Variants in RBFOX1 observed in about 807,000 individuals in gnomAD.
RBFOX1 encodes the protein RNA binding protein fox-1 homolog 1.
Under a neutral mutation model 57.7 loss-of-function variants are expected in RBFOX1, and 8 were observed. The ratio of observed to expected loss-of-function variants is 0.14; its 90% CI spans 0.08 to 0.25. RBFOX1 has a LOEUF of 0.25. RBFOX1 is among the 10% of genes least tolerant of loss of function. The pLI is 1.00. For missense variants in RBFOX1, 611 were observed against 548.5 expected (o/e 1.11, Z -1.14); for synonymous variants, 326 against 222.4 (o/e 1.47, Z -4.15).
At chr16:7,250,941 A>G (rs79096166) in intron 4 of RBFOX1, among the ~76,000 whole-genome samples, 1,856 of 152,324 alleles carry the variant, frequency 0.012, 17 homozygotes, top group South Asian at 0.022. Flanking sequence ...ACGTTTTGAA[A>G]TATGTATATA....
chr16:5,701,350 G>T (rs1205301115), intron 3 of RBFOX1, among the ~76,000 whole-genome samples: 1 of 152,226 alleles, frequency 6.6e-6, no homozygotes, highest in Non-Finnish European at 1.5e-5. Context: ...TATTTTGCAT[G>T]TAGAGTTAAG....
chr16:7,169,653 C>T (rs80181682), intron 4 of RBFOX1, among the ~76,000 whole-genome samples: 56 of 152,352 alleles, frequency 3.7e-4, no homozygotes, highest in African/African-American at 1.1e-3. Flanking sequence ...GAGTGAATGA[C>T]AGAACCAAAT....
At chr16:7,136,216 C>T (rs1022388350) in intron 4 of RBFOX1, among the ~76,000 whole-genome samples, 5 of 152,100 alleles carry the variant, frequency 3.3e-5, no homozygotes, top group Admixed American at 2.0e-4. Flanking sequence ...TCTTTGTGTT[C>T]GTCCATATGG....
intron 4 of RBFOX1, among the ~76,000 whole-genome samples, chr16:7,175,643 G>T (rs529193751): frequency 6.6e-6 from 1 of 152,332 alleles, no homozygotes; most frequent in Non-Finnish European, 1.5e-5. Flanking sequence ...CCCAACAGCT[G>T]TGTGCCTCCA....
At chr16:7,688,485 C>G (rs1041909315) in intron 14 of RBFOX1, among the ~76,000 whole-genome samples, 10 of 152,004 alleles carry the variant, frequency 6.6e-5, no homozygotes, top group Non-Finnish European at 1.0e-4. Context: ...CAAAAGTTTT[C>G]TCTGACTTGA....
intron 1 of RBFOX1, among the ~76,000 whole-genome samples, chr16:5,400,907 A>G (rs57435133): frequency 0.057 from 8,699 of 152,128 alleles, 339 homozygotes; most frequent in East Asian, 0.12. Context: ...TTGTTCATAG[A>G]TCATTTTTCT....
intron 4 of RBFOX1, among the ~76,000 whole-genome samples, chr16:5,986,582 T>C (rs550968479): frequency 6.6e-6 from 1 of 152,306 alleles, no homozygotes; most frequent in South Asian, 2.1e-4. Flanking sequence ...TGATTCGTTG[T>C]CTGTATCTAA....
intron 3 of RBFOX1, among the ~76,000 whole-genome samples, chr16:6,729,925 C>T (rs561194942): frequency 7.7e-4 from 117 of 152,082 alleles, no homozygotes; most frequent in African/African-American, 2.6e-3. Flanking sequence ...ACAGGATGCC[C>T]GACTCCGAGA....
intron 3 of RBFOX1, among the ~76,000 whole-genome samples, chr16:5,694,824 G>C (rs2050799186): frequency 6.6e-6 from 1 of 150,824 alleles, no homozygotes; most frequent in Non-Finnish European, 1.5e-5. Context: ...TGTTTTGCTT[G>C]TGCAATTGGA....
At chr16:5,313,049 G>A (rs186798866) in intron 1 of RBFOX1, among the ~76,000 whole-genome samples, 1 of 152,134 alleles carries the variant, frequency 6.6e-6, no homozygotes, top group African/African-American at 2.4e-5. Flanking sequence ...ATTCCATTTT[G>A]TGCCATGTGC....
At chr16:6,364,900 G>C (rs1406191533) in intron 2 of RBFOX1, among the ~76,000 whole-genome samples, 1 of 152,048 alleles carries the variant, frequency 6.6e-6, no homozygotes, top group Non-Finnish European at 1.5e-5. Context: ...AGGGGCAGGG[G>C]GTGTGGTCCT....
chr16:6,372,141 T>C lies in RBFOX1; in HGVS notation c.-64+55084T>C, dbSNP rs184564638. ...TATAGTTGGGTGGGAGGATAGTTCT[T>C]TGGGATCCTGGGTAGGAGGGTTGTT... On this transcript the variant is annotated intron_variant, in intron 2 of 15. Transcript: ENST00000550418. Among the ~76,000 whole-genome samples, 43 of 151,314 alleles carry C rather than the reference T, an allele frequency of 2.8e-4. No individual in the cohort carries two copies. In the East Asian group the frequency reaches 7.5e-3, roughly 26 times the overall value.
At chr16:6,273,561 G>A (rs2075460720) in intron 1 of RBFOX1, among the ~76,000 whole-genome samples, 1 of 151,820 alleles carries the variant, frequency 6.6e-6, no homozygotes, top group South Asian at 2.1e-4. Context: ...GGTCAGGCTG[G>A]TCTGGAACTT....
intron 1 of RBFOX1, among the ~76,000 whole-genome samples, chr16:6,316,228 C>G (rs1220212076): frequency 6.6e-6 from 1 of 152,104 alleles, no homozygotes; most frequent in Non-Finnish European, 1.5e-5. Flanking sequence ...TACCAGAACT[C>G]TTGATTTTTC....
At chr16:6,976,928 TATATATATC>T (rs1254633735) in intron 3 of RBFOX1, among the ~76,000 whole-genome samples, 1 of 133,732 alleles carries the variant, frequency 7.5e-6, no homozygotes, top group African/African-American at 3.3e-5. Context: ...TATTGTATAT[TATATATATC>T]ATATACTATA....
At chr16:7,677,400 A>G (rs1318191250) in intron 14 of RBFOX1, among the ~76,000 whole-genome samples, 1 of 152,142 alleles carries the variant, frequency 6.6e-6, no homozygotes, top group Non-Finnish European at 1.5e-5. Context: ...CCAGTGTCCA[A>G]TCCTACAAAC....
At chr16:5,557,233 C>T (rs577126217) in intron 2 of RBFOX1, among the ~76,000 whole-genome samples, 4 of 151,370 alleles carry the variant, frequency 2.6e-5, no homozygotes, top group South Asian at 2.1e-4. Flanking sequence ...GCACTCCAGC[C>T]GGGGTGACAG....
At chr16:5,827,913 C>G (rs972505366) in intron 3 of RBFOX1, among the ~76,000 whole-genome samples, 1 of 147,584 alleles carries the variant, frequency 6.8e-6, no homozygotes, top group Non-Finnish European at 1.5e-5. Flanking sequence ...ATCCATCCAT[C>G]CATCCACCCA....
intron 3 of RBFOX1, among the ~76,000 whole-genome samples, chr16:5,641,099 T>A (rs1189264444): frequency 2.0e-5 from 3 of 146,744 alleles, no homozygotes; most frequent in African/African-American, 7.7e-5. Context: ...ACACCATGCA[T>A]ACACATGCAT....
Sources: allele counts gnomAD v4.1 joint callset (sites outside exome capture counted in the v4.1 genomes callset), GRCh38; gene constraint gnomAD v4.1.1; transcripts MANE v1.5; gene names NCBI Gene and HGNC (gene_info 2026-07-23, HGNC 2026-07-21).